CGGBP1: variants seen among roughly 807,000 people sequenced by gnomAD.
The protein encoded by CGGBP1 is CGG triplet repeat binding protein 1.
CGGBP1 carries 4 observed loss-of-function variants against 11.4 expected under a neutral mutation model. That is an observed-to-expected ratio of 0.35 (90% confidence interval 0.17 to 0.80). The LOEUF is 0.80. CGGBP1 is among the 30% of genes least tolerant of loss of function. The probability of loss-of-function intolerance (pLI) is 0.52; values close to 1 mark genes in which losing one functional copy is unlikely to be tolerated. For missense variants in CGGBP1, 135 were observed against 202.1 expected (o/e 0.67, Z 2.01); for synonymous variants, 76 against 74.1 (o/e 1.03, Z -0.13).
chr3:88,136,783 A>G (rs923094492), intron 2 of CGGBP1, among the ~76,000 whole-genome samples: 13 of 152,216 alleles, frequency 8.5e-5, no homozygotes, highest in African/African-American at 2.9e-4. Flanking sequence ...TTGAAAATTC[A>G]TAAATATCCT....
chr3:88,090,204 T>C (rs1201460539), intron 2 of CGGBP1, among the ~76,000 whole-genome samples: 3 of 152,160 alleles, frequency 2.0e-5, no homozygotes, highest in Non-Finnish European at 4.4e-5. Flanking sequence ...TCTGAAGGCA[T>C]TCCAGAAAAA....
At chr3:88,108,288 T>C (rs1704868208) in intron 2 of CGGBP1, among the ~76,000 whole-genome samples, 1 of 152,072 alleles carries the variant, frequency 6.6e-6, no homozygotes, top group Non-Finnish European at 1.5e-5. Context: ...AAGAATATAC[T>C]GGTGTAGCTA....
chr3:88,071,584 T>C (rs1364938460), intron 2 of CGGBP1, among the ~76,000 whole-genome samples: 3 of 152,116 alleles, frequency 2.0e-5, no homozygotes, highest in African/African-American at 2.4e-5. Context: ...TGCAGTGAGC[T>C]GAGATCGCGC....
intron 3 of CGGBP1, chr3:88,056,714 A>G (rs572050738): frequency 8.5e-6 from 1 of 116,960 alleles, no homozygotes; most frequent in African/African-American, 2.6e-5. Flanking sequence ...ATTAATAATT[A>G]CATTTGTTAA....
chr3:88,100,819 G>A (rs1704374258), intron 2 of CGGBP1, among the ~76,000 whole-genome samples: 1 of 151,904 alleles, frequency 6.6e-6, no homozygotes, highest in Non-Finnish European at 1.5e-5. Context: ...ATGGGGTGGG[G>A]AAAGCGGGGA....
At chr3:88,124,531 A>T (rs1201056217) in intron 2 of CGGBP1, among the ~76,000 whole-genome samples, 2 of 152,254 alleles carry the variant, frequency 1.3e-5, no homozygotes, top group Non-Finnish European at 1.5e-5. Context: ...GCATATATAA[A>T]TCACTTTATA....
intron 2 of CGGBP1, among the ~76,000 whole-genome samples, chr3:88,084,797 A>G (rs771466022): frequency 2.0e-5 from 3 of 152,180 alleles, no homozygotes; most frequent in Non-Finnish European, 1.5e-5. Context: ...GTTTATGATG[A>G]TGCCCCTTGC....
intron 1 of CGGBP1, chr3:88,144,222 A>G (rs1186368412): frequency 1.3e-5 from 2 of 152,324 alleles, no homozygotes; most frequent in Admixed American, 1.3e-4. Context: ...GGCTTTAGCC[A>G]TATTCATTTT....
chr3:88,081,296 G>A (rs1009877238), intron 2 of CGGBP1, among the ~76,000 whole-genome samples: 6 of 152,022 alleles, frequency 3.9e-5, no homozygotes, highest in African/African-American at 1.4e-4. Context: ...AGTTTATGTG[G>A]GGGTTTTCCA....
At chr3:88,139,448 T>C (rs746666765) in intron 2 of CGGBP1, 4 of 1,613,754 alleles carry the variant, frequency 2.5e-6, no homozygotes, top group South Asian at 1.1e-5. Flanking sequence ...ATTTGAAGAA[T>C]CATGTTAAGA....
chr3:88,055,316 G>C lies in CGGBP1; in HGVS notation c.*157C>G. Reference sequence around the variant, plus strand: ...TAAAATTAACAATAAGTTTTGCAGTGAGGTGGTTTTTTTTTTGCCTGCAAC... The same window carrying C: ...TAAAATTAACAATAAGTTTTGCAGTCAGGTGGTTTTTTTTTTGCCTGCAAC... On this transcript the variant is annotated 3_prime_UTR_variant, in exon 4 of 4. Transcript: ENST00000482016. The surrounding 1 kb of genome is among the most constrained non-coding windows in gnomAD (Gnocchi z 4.2). 1.7e-6 allele frequency: 1 copy of C among 601,896 alleles called. No homozygotes were observed. The highest frequency in any genetic ancestry group is 2.6e-6 in the Non-Finnish European group (1 of 384,990). 37.3% of individuals were successfully genotyped at this position (601,896 alleles called of 1,614,324 possible).
chr3:88,086,725 A>G lies in CGGBP1; in HGVS notation c.-228-28502T>C, dbSNP rs576729269. Among the ~76,000 whole-genome samples the G allele has an allele frequency of 2.6e-5, 4 of 152,310 alleles. No homozygotes were observed. The South Asian group carries it at 8.3e-4, about 32-fold the overall frequency. ...TACAGCAGTTTAGGCTATGATAGTT[A>G]CCAGAGAGACCTTAAATCAGGTCAG... On this transcript the variant is annotated intron_variant, in intron 2 of 3. Coordinates refer to the CGGBP1 transcript ENST00000462901.
intron 2 of CGGBP1, among the ~76,000 whole-genome samples, chr3:88,096,375 G>T (rs1422275407): frequency 6.6e-6 from 1 of 152,070 alleles, no homozygotes; most frequent in Non-Finnish European, 1.5e-5. Flanking sequence ...GTGTGAGAGG[G>T]TACCTCTGAA....
At chr3:88,071,592 C>T (rs552419130) in intron 2 of CGGBP1, among the ~76,000 whole-genome samples, 278 of 152,196 alleles carry the variant, frequency 1.8e-3, no homozygotes, top group African/African-American at 6.4e-3. Flanking sequence ...GCTGAGATCG[C>T]GCCACTGCAC....
chr3:88,096,578 C>A (rs1704073395), intron 2 of CGGBP1, among the ~76,000 whole-genome samples: 1 of 152,032 alleles, frequency 6.6e-6, no homozygotes. Flanking sequence ...TTTTTTTCTT[C>A]CCATACTTTA....
At chr3:88,122,630 A>G (rs935618613) in intron 2 of CGGBP1, among the ~76,000 whole-genome samples, 1 of 152,240 alleles carries the variant, frequency 6.6e-6, no homozygotes, top group Non-Finnish European at 1.5e-5. Flanking sequence ...TAATGTGGGT[A>G]TCAATAATAG....
intron 2 of CGGBP1, among the ~76,000 whole-genome samples, chr3:88,130,801 G>A (rs555154618): frequency 6.6e-6 from 1 of 152,020 alleles, no homozygotes; most frequent in South Asian, 2.1e-4. Flanking sequence ...TCAGAGATAA[G>A]AGTCAAATAG....
intron 1 of CGGBP1, among the ~76,000 whole-genome samples, chr3:88,145,868 C>T (rs1707304233): frequency 6.6e-6 from 1 of 152,146 alleles, no homozygotes; most frequent in African/African-American, 2.4e-5. Context: ...CACCAAAGCT[C>T]AGAAAGGTTA....
upstream of CGGBP1, among the ~76,000 whole-genome samples, chr3:88,061,948 A>G (rs1402510281): frequency 6.6e-6 from 1 of 152,156 alleles, no homozygotes; most frequent in South Asian, 2.1e-4. Context: ...CTCTTTTTAG[A>G]GGGAAATATG....
Sources: gnomAD v4.1 joint callset for allele counts (sites outside exome capture counted in the v4.1 genomes callset) on GRCh38, gnomAD v4.1.1 for gene constraint, Gnocchi (gnomAD v3.1) non-coding constraint, MANE v1.5 for transcripts, NCBI Gene and HGNC (gene_info 2026-07-23, HGNC 2026-07-21) for gene names.